The following ANXA4 variants were observed in gnomAD, a reference collection of about 807,000 sequenced individuals.
The protein encoded by ANXA4 is annexin A4.
In ANXA4, 39 loss-of-function variants were observed where a neutral mutation model predicts 49.8. That is an observed-to-expected ratio of 0.78 (90% CI 0.61 to 1.02). ANXA4 has a LOEUF of 1.02. Ranked by LOEUF, ANXA4 falls within the 50% of genes least tolerant of loss-of-function variation. The probability of loss-of-function intolerance (pLI) is 0.00; values close to 1 mark genes in which losing one functional copy is unlikely to be tolerated. For synonymous variants in ANXA4, 134 were observed against 152.5 expected, an observed-to-expected ratio of 0.88 and a Z score of 0.89; for missense variants, 360 against 410.1, an observed-to-expected ratio of 0.88 and a Z score of 1.05.
At chr2:69,777,092 G>T (rs987482661) in intron 1 of ANXA4, among the ~76,000 whole-genome samples, 12 of 152,166 alleles carry the variant, frequency 7.9e-5, no homozygotes, top group African/African-American at 2.7e-4. Context: ...ATGGAAGAAT[G>T]CATAGGGTGG....
At chr2:69,665,968 C>T (rs1676917134) in intron 2 of ANXA4, among the ~76,000 whole-genome samples, 1 of 152,190 alleles carries the variant, frequency 6.6e-6, no homozygotes, top group Non-Finnish European at 1.5e-5. Flanking sequence ...ACTTTGGGAG[C>T]CTGAGGCAGG....
chr2:69,705,535 G>C (rs1559095202), intron 2 of ANXA4, among the ~76,000 whole-genome samples: 1 of 152,144 alleles, frequency 6.6e-6, no homozygotes, highest in Non-Finnish European at 1.5e-5. Flanking sequence ...CAGAATCTTT[G>C]TTCTACAATT....
chr2:69,729,086 T>C (rs1157381595), intron 3 of ANXA4, among the ~76,000 whole-genome samples: 1 of 152,230 alleles, frequency 6.6e-6, no homozygotes, highest in Non-Finnish European at 1.5e-5. Flanking sequence ...CGATCTCGGC[T>C]CACTGCAACC....
At chr2:69,655,992 A>G (rs1676422381) in intron 2 of ANXA4, among the ~76,000 whole-genome samples, 1 of 151,836 alleles carries the variant, frequency 6.6e-6, no homozygotes, top group African/African-American at 2.4e-5. Flanking sequence ...ACATGGACAC[A>G]GGGAGGGGAA....
chr2:69,774,327 GC>G (rs71397354), intron 1 of ANXA4, among the ~76,000 whole-genome samples: 7,363 of 89,068 alleles, frequency 0.083, 301 homozygotes, highest in East Asian at 0.12. Flanking sequence ...TGTAAAAGGA[GC>G]CCCCCCCCCC....
Position 69,816,232 on chromosome 2 carries a change from A to G in ANXA4, c.628+38A>G, listed in dbSNP as rs781228198. 1.9e-6 allele frequency: 3 copies of G among 1,561,982 alleles called. No homozygotes were observed. In the South Asian group the frequency reaches 3.3e-5, roughly 17 times the overall value. On this transcript the variant is annotated intron_variant, in intron 9 of 12. Coordinates refer to ENST00000394295, the MANE Select transcript of ANXA4 (RefSeq NM_001153.5). ...CTTCATTTCCCAAAGAAAAGGAGTG[A>G]AAGATAGCAAAAACTATATTGCCCA... is the stretch of plus-strand genomic sequence containing the variant.
At chr2:69,767,909 T>G (rs1313110212) in intron 1 of ANXA4, among the ~76,000 whole-genome samples, 1 of 152,164 alleles carries the variant, frequency 6.6e-6, no homozygotes, top group Non-Finnish European at 1.5e-5. Context: ...ATTATACGCA[T>G]ATGTACATAC....
upstream of ANXA4, among the ~76,000 whole-genome samples, chr2:69,738,135 C>G (rs1345612113): frequency 2.6e-5 from 4 of 151,970 alleles, no homozygotes; most frequent in African/African-American, 9.7e-5. Context: ...TCAAATCTAA[C>G]TAAGTGTCCT....
intron 2 of ANXA4, among the ~76,000 whole-genome samples, chr2:69,686,258 C>G (rs1201693089): frequency 6.6e-6 from 1 of 152,060 alleles, no homozygotes; most frequent in Non-Finnish European, 1.5e-5. Context: ...GATCTCTTCT[C>G]ACTGCAACCT....
At chr2:69,772,475 C>A (rs1559171719) in intron 1 of ANXA4, among the ~76,000 whole-genome samples, 1 of 152,038 alleles carries the variant, frequency 6.6e-6, no homozygotes, top group East Asian at 1.9e-4. Context: ...CCCTTGGGAG[C>A]TGTCATTCTG....
chr2:69,653,319 G>A (rs1000662888), intron 2 of ANXA4: 6 of 152,342 alleles, frequency 3.9e-5, no homozygotes, highest in South Asian at 4.1e-4. Flanking sequence ...TGAAGTATGC[G>A]TAAATGATAT....
chr2:69,759,559 T>C (rs1671190919), intron 1 of ANXA4, among the ~76,000 whole-genome samples: 2 of 152,296 alleles, frequency 1.3e-5, no homozygotes, highest in East Asian at 3.9e-4. Flanking sequence ...AAATTCTACC[T>C]CTACCTAGAT....
intron 2 of ANXA4, among the ~76,000 whole-genome samples, chr2:69,695,749 C>T (rs1182532457): frequency 6.6e-6 from 1 of 152,124 alleles, no homozygotes; most frequent in Non-Finnish European, 1.5e-5. Flanking sequence ...TCAATCCCAA[C>T]CACTGCAATA....
intron 8 of ANXA4, chr2:69,814,856 C>G (rs1673911967): frequency 6.6e-6 from 1 of 151,374 alleles, no homozygotes; most frequent in South Asian, 2.1e-4. Context: ...AATCAGCAAG[C>G]TGGAGATGCA....
intron 1 of ANXA4, among the ~76,000 whole-genome samples, chr2:69,753,007 C>A (rs958479128): frequency 2.6e-5 from 4 of 152,172 alleles, no homozygotes; most frequent in African/African-American, 9.7e-5. Flanking sequence ...TTATTCAAAG[C>A]CTAAGTCACG....
At position 69,810,658 on chromosome 2, in the gene ANXA4, G is replaced by A. The variant is rs1673661127; in HGVS notation, c.462G>A (p.Leu154=). ...CATCGTTCATGTTCCAGCGAGTGCTGGTGTCTCTGTCAGCTGTGAGTGACT... is the reference window on the plus strand; with the variant it reads ...CATCGTTCATGTTCCAGCGAGTGCTAGTGTCTCTGTCAGCTGTGAGTGACT... ...SDTSFMFQRV[L]VSLSAGGRDE... Residue 154 remains leucine (L), a synonymous_variant, in exon 7 of 13, where the codon CTG becomes CTA. Transcript: ENST00000394295. 2 of 1,613,850 alleles carry A rather than the reference G, an allele frequency of 1.2e-6. No homozygotes were observed. Among genetic ancestry groups the A allele is most frequent in the Non-Finnish European group, 1.7e-6 (2 of 1,179,918 alleles).
chr2:69,770,868 C>T (rs1022261222), intron 1 of ANXA4, among the ~76,000 whole-genome samples: 18 of 151,408 alleles, frequency 1.2e-4, no homozygotes, highest in African/African-American at 3.9e-4. Flanking sequence ...GGCAGACGAT[C>T]GCTTGAGCCT....
chr2:69,650,219 A>C (rs1676181855), intron 1 of ANXA4, among the ~76,000 whole-genome samples: 1 of 151,940 alleles, frequency 6.6e-6, no homozygotes, highest in South Asian at 2.1e-4. Context: ...TACAGGCATG[A>C]GCCACCGTGC....
chr2:69,713,818 TG>T (rs1035023037), intron 2 of ANXA4: 1 of 152,222 alleles, frequency 6.6e-6, no homozygotes, highest in African/African-American at 2.4e-5. Context: ...TGAGGAGTTT[TG>T]CCTTTCACAA....
Sources: allele counts gnomAD v4.1 joint callset (sites outside exome capture counted in the v4.1 genomes callset), GRCh38; gene constraint gnomAD v4.1.1; transcripts MANE v1.5; gene names NCBI Gene and HGNC (gene_info 2026-07-23, HGNC 2026-07-21).